The following RTKN variants were observed in gnomAD, a reference collection of about 807,000 sequenced individuals.
RTKN encodes rhotekin.
RTKN carries 49 observed loss-of-function variants against 63.5 expected under a neutral mutation model. The ratio of observed to expected loss-of-function variants is 0.77; its 90% CI spans 0.61 to 0.98. RTKN has a LOEUF of 0.98. Among genes scored for constraint, RTKN ranks in the 50% least tolerant of loss-of-function variants. The pLI, the probability that RTKN is intolerant of heterozygous loss-of-function variation, is 0.00. For synonymous variants in RTKN, 295 were observed against 290.4 expected, an observed-to-expected ratio of 1.02 and a Z score of -0.16; for missense variants, 685 against 740.8, an observed-to-expected ratio of 0.92 and a Z score of 0.87.
At position 74,427,429 on chromosome 2, in the gene RTKN, T is replaced by C; in HGVS notation, c.1250A>G (p.Asp417Gly). ...WMEALWQLFF[D>G]MSQWKQCCDE... ...CCAGCCCCCTTCTCTCTTACTCATGTCAAAGAAAAGCTGCCACAGAGCCTC... is the reference window on the plus strand; with the variant it reads ...CCAGCCCCCTTCTCTCTTACTCATGCCAAAGAAAAGCTGCCACAGAGCCTC... Residue 417 changes from aspartate (D) to glycine (G), a missense_variant, in exon 10 of 12, where the codon GAC becomes GGC. Transcript: ENST00000272430. The C allele has an allele frequency of 6.2e-7, 1 of 1,614,108 alleles. No individual in the cohort carries two copies. The highest frequency in any genetic ancestry group is 1.1e-5 in the South Asian group (1 of 91,064).
In RTKN at chr2:74,436,057, CCGA is replaced by C. The variant is rs1250365824; in HGVS notation, c.112-3394_112-3392del. On this transcript the variant is annotated intron_variant, in intron 1 of 11. Transcript: ENST00000272430. This position sits in a 1 kb window ranked among gnomAD's most constrained non-coding sequence, Gnocchi z 4.3. ...TGTCTGCACCAGGGTTCTGCGCTGC[CCGA>C]CAACCCCCACCCCAGTCTGCACCCA... 6.6e-6 allele frequency among the ~76,000 whole-genome samples: 1 copy of C among 152,054 alleles called. No individual in the cohort carries two copies. The highest frequency in any genetic ancestry group is 1.5e-5 in the Non-Finnish European group (1 of 68,044).
intron 8 of RTKN, 101 bp downstream of exon 8, chr2:74,428,530 T>G (rs2103879141): frequency 6.4e-7 from 1 of 1,554,612 alleles, no homozygotes; most frequent in Non-Finnish European, 8.8e-7. Context: ...ACCCCATTTC[T>G]TCCACCCAAA....
rs781609125 is a variant in RTKN at position 74,432,476 on chromosome 2, G to A, written c.302C>T (p.Thr101Ile). The change falls in exon 2 of 12, where the codon ACA becomes ATA. Residue 101 changes from threonine (T) to isoleucine (I), a missense_variant. By Grantham distance (89) the Thr-to-Ile change is moderately conservative (BLOSUM62 -1). Transcript: ENST00000272430. ...TCTCCCCCTTGCTCACCGCCGGCTT[G>A]TCTTCCCCAGCACCTGCGCCTCCTT... ...RRKEAQVLGK[T>I]SRRPSDSGPP... 1.4e-5 allele frequency: 22 copies of A among 1,609,676 alleles called. No homozygotes were observed. Among genetic ancestry groups the A allele is most frequent in the Non-Finnish European group, 1.5e-5 (18 of 1,179,950 alleles).
chr2:74,433,891 A>G (rs1313646649), intron 1 of RTKN, among the ~76,000 whole-genome samples: 1 of 152,204 alleles, frequency 6.6e-6, no homozygotes. Context: ...TATTGCAGAC[A>G]TTAAGGAAAG....
chr2:74,429,986 A>G lies in RTKN; in HGVS notation c.597T>C (p.Cys199=), dbSNP rs376082673. ...CAGTCAGGGCCCCCTCTTCTTCCAC[A>G]CAGGCCCCATACAGCTCTAACCGCA... is the stretch of plus-strand genomic sequence containing the variant. ...FELRLELYGA[C]VEEEGALTGG... The change falls in exon 6 of 12, where the codon TGT becomes TGC. Residue 199 remains cysteine (C), a synonymous_variant. Coordinates refer to ENST00000272430, the MANE Select transcript of RTKN (RefSeq NM_001015055.2). 8.1e-6 allele frequency: 13 copies of G among 1,614,134 alleles called. No homozygotes were observed. The highest frequency in any genetic ancestry group is 1.0e-5 in the Non-Finnish European group (12 of 1,180,010).
At chr2:74,434,164 G>A (rs1004871903) in intron 1 of RTKN, among the ~76,000 whole-genome samples, 5 of 151,394 alleles carry the variant, frequency 3.3e-5, no homozygotes, top group Admixed American at 2.0e-4. Flanking sequence ...GTACAGTGGC[G>A]CGATCTCAGC....
At chr2:74,427,358 G>A in intron 10 of RTKN, 66 bp downstream of exon 10, 1 of 1,605,146 alleles carries the variant, frequency 6.2e-7, no homozygotes, top group Admixed American at 1.7e-5. Flanking sequence ...TGAAACAGAG[G>A]CCTTTAGTAA....
rs1009712178 is a variant in RTKN, at chr2:74,431,403, C to T, written c.312-726G>A. Among the ~76,000 whole-genome samples, 8 of 152,128 alleles carry T rather than the reference C, an allele frequency of 5.3e-5. No homozygotes were observed. The East Asian group carries it at 5.8e-4, about 11-fold the overall frequency. ...CTCACCATGTGTCCCTTTCCTGAAG[C>T]GACTGCCAGTTCATCTGTACTTACT... On this transcript the variant is annotated intron_variant, in intron 2 of 11. Coordinates refer to ENST00000272430, the MANE Select transcript of RTKN (RefSeq NM_001015055.2).
chr2:74,426,753 G>A, intron 11 of RTKN, 179 bp from the exon 12 acceptor site: 1 of 1,378,928 alleles, frequency 7.3e-7, no homozygotes, highest in Non-Finnish European at 9.3e-7. Flanking sequence ...TACAGGCTCT[G>A]ATAAGACTGT....
intron 1 of RTKN, among the ~76,000 whole-genome samples, chr2:74,439,120 G>GA (rs1387408189): frequency 1.3e-5 from 2 of 152,014 alleles, no homozygotes; most frequent in East Asian, 1.9e-4. Context: ...GTAAAGAATT[G>GA]AAAAAAACAA....
intron 1 of RTKN, among the ~76,000 whole-genome samples, chr2:74,433,402 CAGCTATCCAATACCT>C (rs1670873721): frequency 6.6e-6 from 1 of 151,878 alleles, no homozygotes; most frequent in East Asian, 1.9e-4. Context: ...TCCTTTAATT[CAGCTATCCAATACCT>C]AGCAGTTTAT....
intron 1 of RTKN, 90 bp from the exon 2 acceptor site, chr2:74,432,756 T>A: frequency 9.2e-7 from 1 of 1,088,066 alleles, no homozygotes; most frequent in Non-Finnish European, 1.4e-6. Context: ...CTGTGGCCAG[T>A]AAAACTGACA....
At chr2:74,433,991 C>T (rs1260727953) in intron 1 of RTKN, among the ~76,000 whole-genome samples, 1 of 151,848 alleles carries the variant, frequency 6.6e-6, no homozygotes, top group Non-Finnish European at 1.5e-5. Flanking sequence ...ACCATTTGTG[C>T]ATGATATATA....
chr2:74,428,139 G>T, intron 9 of RTKN, 129 bp downstream of exon 9: 6 of 1,202,118 alleles, frequency 5.0e-6, no homozygotes, highest in Non-Finnish European at 7.1e-6. Context: ...CCTGAAGCTG[G>T]ATGTGGCACT....
intron 6 of RTKN, among the ~76,000 whole-genome samples, chr2:74,429,496 G>A (rs746005355): frequency 6.6e-6 from 1 of 152,118 alleles, no homozygotes; most frequent in African/African-American, 2.4e-5. Flanking sequence ...AGGCCGAGGC[G>A]GGAGGATCAC....
In RTKN at chr2:74,427,563, G is replaced by A. The variant is rs758974839; in HGVS notation, c.1116C>T (p.Asp372=). 3.7e-6 allele frequency: 6 copies of A among 1,613,264 alleles called. No individual in the cohort carries two copies. Among genetic ancestry groups the A allele is most frequent in the Non-Finnish European group, 4.2e-6 (5 of 1,179,986 alleles). ...KETRVRAGEL[D]QALGRPFTLS... is the part of the protein sequence containing the mutation. ...GGGTGAAGGGCCGTCCTAGAGCCTG[G>A]TCCAGCTCCCCTGCCCGGACTCGAG... The change falls in exon 10 of 12, where the codon GAC becomes GAT. Residue 372 remains aspartate (D), a synonymous_variant. Transcript: ENST00000272430.
At position 74,441,806 on chromosome 2, in the gene RTKN, C is replaced by T. The variant is rs1237437088; in HGVS notation, c.11G>A (p.Arg4Gln). 1.2e-6 allele frequency: 2 copies of T among 1,609,394 alleles called. No individual in the cohort carries two copies. The highest frequency in any genetic ancestry group is 1.7e-5 in the Admixed American group (1 of 59,784). ...CACGGTGACCCGGCTCCGGTGGTTTCGGGAGAACATGCTGGCGGCCCTGCG... is the reference window on the plus strand; with the variant it reads ...CACGGTGACCCGGCTCCGGTGGTTTTGGGAGAACATGCTGGCGGCCCTGCG... MFSRNHRSRVTVAR... is the reference protein window; with the variant it reads MFSQNHRSRVTVAR... The change falls in exon 1 of 12, where the codon CGA becomes CAA. Residue 4 changes from arginine to glutamine, a missense_variant. Coordinates refer to ENST00000272430, the MANE Select transcript of RTKN (RefSeq NM_001015055.2).
rs375015085 is a variant in RTKN, at chr2:74,427,644, T to G, written c.1087-52A>C. 935 of 1,573,516 alleles carry G rather than the reference T, an allele frequency of 5.9e-4. 2 individuals carry two copies. The highest frequency in any genetic ancestry group is 7.5e-4 in the Non-Finnish European group (865 of 1,156,522). On this transcript the variant is annotated intron_variant, in intron 9 of 11. Transcript: ENST00000272430. ...TGGTCACAGAAGTTGGCAGTGACAA[T>G]CAGGCAGCCTTGATCACGCCTGCCT...
At chr2:74,438,019 T>C (rs1311509537) in intron 1 of RTKN, among the ~76,000 whole-genome samples, 1 of 151,976 alleles carries the variant, frequency 6.6e-6, no homozygotes, top group Non-Finnish European at 1.5e-5. Flanking sequence ...AGTGCCAAAA[T>C]TGACCAGTAA....
Sources: allele counts gnomAD v4.1 joint callset (sites outside exome capture counted in the v4.1 genomes callset), GRCh38; gene constraint gnomAD v4.1.1; non-coding constraint Gnocchi (gnomAD v3.1); transcripts MANE v1.5; gene names NCBI Gene and HGNC (gene_info 2026-07-23, HGNC 2026-07-21).